The following GABRG3 variants were observed in gnomAD, a reference collection of about 807,000 sequenced individuals.
GABRG3 encodes the protein gamma-aminobutyric acid type A receptor subunit gamma3.
In GABRG3, 25 loss-of-function variants were observed where a neutral mutation model predicts 48.8. The ratio of observed to expected loss-of-function variants is 0.51; its 90% CI spans 0.37 to 0.72. The LOEUF (loss-of-function observed/expected upper bound fraction) is 0.72, where lower values mean the gene tolerates loss of function less well. Among genes scored for constraint, GABRG3 ranks in the 30% least tolerant of loss-of-function variants. GABRG3 has a pLI of 0.00. For synonymous variants in GABRG3, 227 were observed against 217.6 expected, an observed-to-expected ratio of 1.04 and a Z score of -0.38; for missense variants, 394 against 577.9, an observed-to-expected ratio of 0.68 and a Z score of 3.26.
chr15:27,181,370 A>C, intron 3 of GABRG3, among the ~76,000 whole-genome samples: 1 of 151,954 alleles, frequency 6.6e-6, no homozygotes, highest in East Asian at 1.9e-4. Context: ...CTCAACCAAG[A>C]CTCTTGTTTT....
chr15:27,117,400 G>A (rs1897659900), intron 3 of GABRG3, among the ~76,000 whole-genome samples: 1 of 152,080 alleles, frequency 6.6e-6, no homozygotes, highest in Non-Finnish European at 1.5e-5. Context: ...AGAGAAGTGA[G>A]TCCTCTCTGT....
intron 3 of GABRG3, among the ~76,000 whole-genome samples, chr15:27,270,386 A>G (rs1891043289): frequency 6.6e-6 from 1 of 152,182 alleles, no homozygotes; most frequent in Non-Finnish European, 1.5e-5. Context: ...GAGTCCCTCA[A>G]CAGCTGGTCA....
chr15:27,374,617 G>A (rs1314209324), intron 5 of GABRG3, among the ~76,000 whole-genome samples: 2 of 152,112 alleles, frequency 1.3e-5, no homozygotes, highest in Admixed American at 6.5e-5. Context: ...AGCAAGCACC[G>A]AGTCTGACTA....
chr15:27,413,256 A>G (rs1887850250), intron 5 of GABRG3, among the ~76,000 whole-genome samples: 1 of 151,636 alleles, frequency 6.6e-6, no homozygotes, highest in Non-Finnish European at 1.5e-5. Flanking sequence ...AAGTAATTAC[A>G]ACAAGTCTAC....
intron 3 of GABRG3, among the ~76,000 whole-genome samples, chr15:27,048,360 G>A (rs890662311): frequency 7.9e-5 from 12 of 152,108 alleles, no homozygotes; most frequent in African/African-American, 2.7e-4. Flanking sequence ...CCAGGCTCCC[G>A]GCTGACCTCA....
intron 5 of GABRG3, among the ~76,000 whole-genome samples, chr15:27,472,163 G>GT (rs540888611): frequency 6.0e-5 from 9 of 150,778 alleles, no homozygotes; most frequent in South Asian, 4.2e-4. Context: ...GGATTTGAAT[G>GT]TTTTTTTTTA....
At chr15:27,498,752 C>T (rs1464070261) in intron 6 of GABRG3, among the ~76,000 whole-genome samples, 2 of 152,080 alleles carry the variant, frequency 1.3e-5, no homozygotes, top group Non-Finnish European at 1.5e-5. Flanking sequence ...GTAATCCACC[C>T]ACCTCAGCCT....
intron 3 of GABRG3, among the ~76,000 whole-genome samples, chr15:27,088,719 A>G (rs4887557): frequency 0.24 from 36,440 of 151,936 alleles, 4,549 homozygotes; most frequent in Middle Eastern, 0.32. Flanking sequence ...AGAACTCACT[A>G]TGGAGAGCAG....
At chr15:27,392,814 A>G (rs1234471105) in intron 5 of GABRG3, among the ~76,000 whole-genome samples, 2 of 152,248 alleles carry the variant, frequency 1.3e-5, no homozygotes, top group African/African-American at 4.8e-5. Context: ...TTATAACCCA[A>G]CATTACTGTA....
At position 27,532,984 on chromosome 15, in the gene GABRG3, C is replaced by A; in HGVS notation, c.*103C>A. 1 of 1,047,196 alleles carries A rather than the reference C, an allele frequency of 9.5e-7. No individual in the cohort carries two copies. Among genetic ancestry groups the A allele is most frequent in the Non-Finnish European group, 1.4e-6 (1 of 727,506 alleles). 64.9% of individuals were successfully genotyped at this position (1,047,196 alleles called of 1,614,324 possible). Reference sequence around the variant, plus strand: ...TCGGGAGTAGCAAGGAAGGACACTGCCCAGTGTATCTTGTTATAAATGACC... The same window carrying A: ...TCGGGAGTAGCAAGGAAGGACACTGACCAGTGTATCTTGTTATAAATGACC... On this transcript the variant is annotated 3_prime_UTR_variant, in exon 10 of 10. Coordinates refer to ENST00000615808, the MANE Select transcript of GABRG3 (RefSeq NM_033223.5).
At chr15:26,978,928 G>A (rs959146459) in intron 2 of GABRG3, among the ~76,000 whole-genome samples, 1 of 151,476 alleles carries the variant, frequency 6.6e-6, no homozygotes, top group African/African-American at 2.4e-5. Flanking sequence ...GAAAGAACTG[G>A]CATCTCTACT....
intron 3 of GABRG3, among the ~76,000 whole-genome samples, chr15:27,181,226 A>G (rs1434635548): frequency 2.6e-5 from 4 of 152,162 alleles, no homozygotes; most frequent in Non-Finnish European, 5.9e-5. Flanking sequence ...AATTGTCTGC[A>G]GAGGATCTAG....
At chr15:27,198,782 G>A (rs1213536830) in intron 3 of GABRG3, among the ~76,000 whole-genome samples, 1 of 152,196 alleles carries the variant, frequency 6.6e-6, no homozygotes, top group East Asian at 1.9e-4. Flanking sequence ...TAAAGAAAAT[G>A]TGGCATATAT....
intron 5 of GABRG3, among the ~76,000 whole-genome samples, chr15:27,393,126 A>G (rs1887189850): frequency 6.6e-6 from 1 of 152,120 alleles, no homozygotes; most frequent in Non-Finnish European, 1.5e-5. Context: ...CGGGCAGATC[A>G]CGAGGTCAGG....
rs572631196 is a variant in GABRG3, at chr15:27,200,086, G to C, written c.271-126723G>C. On this transcript the variant is annotated intron_variant, in intron 3 of 9. Coordinates refer to ENST00000615808, the MANE Select transcript of GABRG3 (RefSeq NM_033223.5). Reference sequence around the variant, plus strand: ...CTTCCTTTCTTTCCAGAATCCTAAAGCTTTGCCTCTGCCTCTTCCAAACAA... The same window carrying C: ...CTTCCTTTCTTTCCAGAATCCTAAACCTTTGCCTCTGCCTCTTCCAAACAA... Among the ~76,000 whole-genome samples, 4 of 151,154 alleles carry C rather than the reference G, an allele frequency of 2.6e-5. No homozygotes were observed. In the South Asian group the frequency reaches 8.4e-4, roughly 32 times the overall value.
chr15:27,011,078 G>A (rs1406910071), intron 2 of GABRG3, among the ~76,000 whole-genome samples: 1 of 152,016 alleles, frequency 6.6e-6, no homozygotes, highest in East Asian at 1.9e-4. Context: ...ACTCGAACTG[G>A]CTGGTCTCGA....
At chr15:27,002,349 T>C (rs933780540) in intron 2 of GABRG3, among the ~76,000 whole-genome samples, 1 of 152,210 alleles carries the variant, frequency 6.6e-6, no homozygotes, top group Admixed American at 6.5e-5. Context: ...GGCAGCAAGC[T>C]ATCCTTCAAA....
chr15:27,309,678 T>C (rs1004711295), intron 3 of GABRG3, among the ~76,000 whole-genome samples: 1 of 152,066 alleles, frequency 6.6e-6, no homozygotes, highest in Admixed American at 6.6e-5. Flanking sequence ...AGGAAAGTAA[T>C]AGATGTGGAG....
At chr15:27,205,921 T>G (rs1359338055) in intron 3 of GABRG3, among the ~76,000 whole-genome samples, 1 of 152,076 alleles carries the variant, frequency 6.6e-6, no homozygotes, top group Non-Finnish European at 1.5e-5. Flanking sequence ...TAATGTCTCC[T>G]TTGTCATTTC....
Sources: allele counts gnomAD v4.1 joint callset (sites outside exome capture counted in the v4.1 genomes callset), GRCh38; gene constraint gnomAD v4.1.1; transcripts MANE v1.5; gene names NCBI Gene and HGNC (gene_info 2026-07-23, HGNC 2026-07-21).